TMED5: variants seen among roughly 807,000 people sequenced by gnomAD.
TMED5 encodes transmembrane emp24 domain-containing protein 5.
In TMED5, 27 loss-of-function variants were observed where a neutral mutation model predicts 23.0. The observed-to-expected ratio is 1.17, with a 90% CI of 0.86 to 1.62. TMED5 has a LOEUF of 1.62. Among genes scored for constraint, TMED5 ranks in the 40% most tolerant of loss-of-function variants. TMED5 has a pLI of 0.00. For synonymous variants in TMED5, 97 were observed against 100.8 expected (o/e 0.96, Z 0.23); for missense variants, 248 against 273.7 (o/e 0.91, Z 0.66).
intron 1 of TMED5, among the ~76,000 whole-genome samples, chr1:93,164,041 T>G (rs575073129): frequency 6.7e-6 from 1 of 149,586 alleles, no homozygotes; most frequent in East Asian, 2.0e-4. Flanking sequence ...CAATGGAACA[T>G]GATGGGGATA....
intron 1 of TMED5, among the ~76,000 whole-genome samples, chr1:93,174,342 T>TA (rs1200371560): frequency 1.3e-5 from 2 of 152,110 alleles, no homozygotes; most frequent in Non-Finnish European, 1.5e-5. Context: ...TAATTGGAAG[T>TA]AAAAAAATTC....
chr1:93,154,322 A>G lies in TMED5; in HGVS notation c.*348T>C, dbSNP rs1227099698. On this transcript the variant is annotated 3_prime_UTR_variant, in exon 4 of 4. Transcript: ENST00000370282. ...TTACAAAAAAGTTCTGGGTAATAGA[A>G]CCTGTTAAAAACAGACTGGTGTTGC... 5.3e-6 allele frequency: 1 copy of G among 187,420 alleles called. No individual in the cohort carries two copies. The highest frequency in any genetic ancestry group is 2.3e-5 in the African/African-American group (1 of 42,708). The allele number at this position is 187,420 out of a possible 1,614,324, so 11.6% of individuals were successfully genotyped here. A position where few individuals can be genotyped will look rare whatever the true frequency, so the allele number is the denominator to read the frequency against.
chr1:93,180,369 G>A lies in TMED5; in HGVS notation c.-127C>T. The A allele has an allele frequency of 1.5e-6, 2 of 1,294,948 alleles. No homozygotes were observed. Among genetic ancestry groups the A allele is most frequent in the Non-Finnish European group, 1.1e-6 (1 of 952,056 alleles). The allele number at this position is 1,294,948 out of a possible 1,614,324, so 80.2% of individuals were successfully genotyped here. A position where few individuals can be genotyped will look rare whatever the true frequency, so the allele number is the denominator to read the frequency against. The stretch of plus-strand genomic sequence containing the variant: ...TCTGAAGAAACTCCAGGTGGCGGCC[G>A]CGGCGGCGGCGAACACTCCCTCCGA... On this transcript the variant is annotated 5_prime_UTR_variant, in exon 1 of 4. Transcript: ENST00000370282.
At chr1:93,158,760 G>C (rs1487309481) in intron 2 of TMED5, 1 of 172,940 alleles carries the variant, frequency 5.8e-6, no homozygotes, top group Non-Finnish European at 1.1e-5. Flanking sequence ...TAGAGACAAG[G>C]TTTCACCATG....
In TMED5 at chr1:93,153,978, T is replaced by C. The variant is rs1431514505; in HGVS notation, c.*692A>G. 14 of 152,598 alleles carry C rather than the reference T, an allele frequency of 9.2e-5. No homozygotes were observed. Among genetic ancestry groups the C allele is most frequent in the Non-Finnish European group, 1.0e-4 (7 of 67,990 alleles). 9.5% of individuals were successfully genotyped at this position (152,598 alleles called of 1,614,324 possible). ...TATTCTTCATTTCAAAGAGAAAACA[T>C]GTCCTAATTTTAGTAAGTGTAACTT... is the stretch of plus-strand genomic sequence containing the variant. On this transcript the variant is annotated 3_prime_UTR_variant, in exon 4 of 4. Transcript: ENST00000370282.
Position 93,151,625 on chromosome 1 carries a change from A to C in TMED5, c.*3045T>G, listed in dbSNP as rs79415343. On this transcript the variant is annotated 3_prime_UTR_variant, in exon 4 of 4. Coordinates refer to ENST00000370282, the MANE Select transcript of TMED5 (RefSeq NM_016040.5). ...AAGAACTGATTATCTTTCCTTTCAT[A>C]TATTTTGAGCAAAAACTGTACCTTT... The C allele has an allele frequency of 6.6e-6, 1 of 152,172 alleles. No individual in the cohort carries two copies. The highest frequency in any genetic ancestry group is 1.5e-5 in the Non-Finnish European group (1 of 68,036). The allele number at this position is 152,172 out of a possible 1,614,324, so 9.4% of individuals were successfully genotyped here. A position where few individuals can be genotyped will look rare whatever the true frequency, so the allele number is the denominator to read the frequency against.
intron 1 of TMED5, among the ~76,000 whole-genome samples, chr1:93,174,802 T>TC (rs1557578975): frequency 6.6e-6 from 1 of 152,148 alleles, no homozygotes; most frequent in African/African-American, 2.4e-5. Flanking sequence ...CAACCCATAT[T>TC]CCCACAAAAG....
chr1:93,167,599 A>G (rs1328834358), intron 1 of TMED5, among the ~76,000 whole-genome samples: 1 of 152,108 alleles, frequency 6.6e-6, no homozygotes. Flanking sequence ...TTGTATGTTG[A>G]TTTTATATCC....
At position 93,152,121 on chromosome 1, in the gene TMED5, A is replaced by G. The variant is rs1647901194; in HGVS notation, c.*2549T>C. ...AGGATTAATTTTACCATAAAATTAC[A>G]AACACCCTCCATGTCTTGACATTCA... On this transcript the variant is annotated 3_prime_UTR_variant, in exon 4 of 4. Transcript: ENST00000370282. 6.6e-6 allele frequency: 1 copy of G among 152,662 alleles called. No homozygotes were observed. The highest frequency in any genetic ancestry group is 1.5e-5 in the Non-Finnish European group (1 of 68,034). 9.5% of individuals were successfully genotyped at this position (152,662 alleles called of 1,614,324 possible).
chr1:93,170,363 G>C (rs771722948), intron 1 of TMED5, among the ~76,000 whole-genome samples: 11 of 152,190 alleles, frequency 7.2e-5, no homozygotes, highest in African/African-American at 1.4e-4. Flanking sequence ...CACTGGGAGC[G>C]GCCGGCCGGC....
chr1:93,152,249 T>C lies in TMED5; in HGVS notation c.*2421A>G, dbSNP rs1647907482. 6.6e-6 allele frequency: 1 copy of C among 152,526 alleles called. No individual in the cohort carries two copies. The highest frequency in any genetic ancestry group is 2.1e-4 in the South Asian group (1 of 4,822). 9.4% of individuals were successfully genotyped at this position (152,526 alleles called of 1,614,324 possible). ...GTAACTGCTACATTATGGAAATCGG[T>C]TGGGCCTTAGTTAAATATTGTAGTA... On this transcript the variant is annotated 3_prime_UTR_variant, in exon 4 of 4. Coordinates refer to ENST00000370282, the MANE Select transcript of TMED5 (RefSeq NM_016040.5).
Position 93,180,326 on chromosome 1 carries a change from T to G in TMED5, c.-84A>C. On this transcript the variant is annotated 5_prime_UTR_variant, in exon 1 of 4. Coordinates refer to ENST00000370282, the MANE Select transcript of TMED5 (RefSeq NM_016040.5). ...GTTTCCTCTCTGGACTCCTCGTGGTTGACAGGGAAATCTGGAGTCTGAAGA... is the reference window on the plus strand; with the variant it reads ...GTTTCCTCTCTGGACTCCTCGTGGTGGACAGGGAAATCTGGAGTCTGAAGA... 1.4e-6 allele frequency: 2 copies of G among 1,448,292 alleles called. No homozygotes were observed. Among genetic ancestry groups the G allele is most frequent in the East Asian group, 5.2e-5 (2 of 38,586 alleles). 89.7% of individuals were successfully genotyped at this position (1,448,292 alleles called of 1,614,324 possible).
chr1:93,175,136 C>T (rs1168132318), intron 1 of TMED5, among the ~76,000 whole-genome samples: 6 of 134,500 alleles, frequency 4.5e-5, no homozygotes, highest in African/African-American at 1.8e-4. Context: ...AAAACCCAGC[C>T]ATTTATATAT....
chr1:93,152,546 A>G lies in TMED5; in HGVS notation c.*2124T>C, dbSNP rs1176509556. On this transcript the variant is annotated 3_prime_UTR_variant, in exon 4 of 4. Coordinates refer to ENST00000370282, the MANE Select transcript of TMED5 (RefSeq NM_016040.5). ...CCTAAATTCTTTTCCAAATAAAGCA[A>G]TTATCGTTTTTATATGGTAAGAAGT... is the stretch of plus-strand genomic sequence containing the variant. 6.6e-6 allele frequency: 1 copy of G among 152,538 alleles called. No individual in the cohort carries two copies. The highest frequency in any genetic ancestry group is 1.9e-4 in the East Asian group (1 of 5,198). The allele number at this position is 152,538 out of a possible 1,614,324, so 9.4% of individuals were successfully genotyped here.
At chr1:93,160,328 G>T in intron 1 of TMED5, 102 bp from the exon 2 acceptor site, 1 of 623,630 alleles carries the variant, frequency 1.6e-6, no homozygotes, top group Non-Finnish European at 2.7e-6. Flanking sequence ...AAGCTAGAGA[G>T]GTAAGAAAGT....
Position 93,154,578 on chromosome 1 carries a change from A to G in TMED5, c.*92T>C. The stretch of plus-strand genomic sequence containing the variant: ...GTTTCCTACTTTTATATCTCAAAAT[A>G]TTTTGGAGAAGACCATTAATGGTCT... On this transcript the variant is annotated 3_prime_UTR_variant, in exon 4 of 4. Coordinates refer to ENST00000370282, the MANE Select transcript of TMED5 (RefSeq NM_016040.5). 1 of 812,296 alleles carries G rather than the reference A, an allele frequency of 1.2e-6. No homozygotes were observed. Among genetic ancestry groups the G allele is most frequent in the Non-Finnish European group, 1.9e-6 (1 of 519,418 alleles). 50.3% of individuals were successfully genotyped at this position (812,296 alleles called of 1,614,324 possible). A position where few individuals can be genotyped will look rare whatever the true frequency, so the allele number is the denominator to read the frequency against.
chr1:93,158,005 TCC>T (rs891960714), intron 2 of TMED5, among the ~76,000 whole-genome samples: 1 of 150,630 alleles, frequency 6.6e-6, no homozygotes, highest in Non-Finnish European at 1.5e-5. Flanking sequence ...GCGCCTGTAG[TCC>T]CAGCTACTCA....
rs112592589 is a variant in TMED5, at chr1:93,156,952, A to G, written c.288-469T>C. Reference sequence around the variant, plus strand: ...GGAAAGAAGCAACCTGAAAATATATATGTTCAAGTACAACTTAGACATGTT... The same window carrying G: ...GGAAAGAAGCAACCTGAAAATATATGTGTTCAAGTACAACTTAGACATGTT... On this transcript the variant is annotated intron_variant, in intron 2 of 3. Transcript: ENST00000370282. Among the ~76,000 whole-genome samples the G allele has an allele frequency of 1.2e-3, 180 of 152,304 alleles. 2 individuals are homozygous for G. The highest frequency in any genetic ancestry group is 3.6e-3 in the African/African-American group (148 of 41,580).
chr1:93,155,544 T>C (rs1571269306), intron 3 of TMED5, among the ~76,000 whole-genome samples: 1 of 151,742 alleles, frequency 6.6e-6, no homozygotes, highest in Non-Finnish European at 1.5e-5. Context: ...TTTTTTTTTT[T>C]TTTTTTTTGT....
Sources: gnomAD v4.1 joint callset for allele counts (sites outside exome capture counted in the v4.1 genomes callset) on GRCh38, gnomAD v4.1.1 for gene constraint, MANE v1.5 for transcripts, NCBI Gene and HGNC (gene_info 2026-07-23, HGNC 2026-07-21) for gene names.